The following SPIRE1 variants were observed in gnomAD, a reference collection of about 807,000 sequenced individuals.
SPIRE1 encodes the protein protein spire homolog 1.
In SPIRE1, 40 loss-of-function variants were observed where a neutral mutation model predicts 94.1. The ratio of observed to expected loss-of-function variants is 0.43; its 90% CI spans 0.33 to 0.55. SPIRE1 has a LOEUF of 0.55. Ranked by LOEUF, SPIRE1 falls within the 20% of genes least tolerant of loss-of-function variation. The pLI, the probability that SPIRE1 is intolerant of heterozygous loss-of-function variation, is 0.06. For missense variants in SPIRE1, 838 were observed against 975.2 expected, an observed-to-expected ratio of 0.86 and a Z score of 1.87; for synonymous variants, 376 against 371.7, an observed-to-expected ratio of 1.01 and a Z score of -0.13.
intron 2 of SPIRE1, among the ~76,000 whole-genome samples, chr18:12,552,331 A>G (rs549384458): frequency 1.8e-4 from 27 of 152,276 alleles, no homozygotes; most frequent in African/African-American, 6.5e-4. Context: ...GAGTACTTGC[A>G]CTATCCCTCT....
At chr18:12,487,210 A>G (rs1347998386) in intron 8 of SPIRE1, among the ~76,000 whole-genome samples, 1 of 152,132 alleles carries the variant, frequency 6.6e-6, no homozygotes, top group African/African-American at 2.4e-5. Flanking sequence ...TTTTATTATT[A>G]GTAATTGTTG....
intron 2 of SPIRE1, among the ~76,000 whole-genome samples, chr18:12,597,983 G>T (rs2036725855): frequency 6.6e-6 from 1 of 152,206 alleles, no homozygotes; most frequent in African/African-American, 2.4e-5. Flanking sequence ...GGCCAGGGAC[G>T]CATGTGCAGA....
At chr18:12,501,257 T>C (rs2033654571) in intron 6 of SPIRE1, among the ~76,000 whole-genome samples, 2 of 152,016 alleles carry the variant, frequency 1.3e-5, no homozygotes, top group Non-Finnish European at 2.9e-5. Flanking sequence ...AAAGCATATT[T>C]GTGGTTACCA....
At chr18:12,525,296 A>AAAAAAAAAAAAAAAAAT (rs1555619713) in intron 4 of SPIRE1, among the ~76,000 whole-genome samples, 1 of 120,170 alleles carries the variant, frequency 8.3e-6, no homozygotes, top group Non-Finnish European at 1.7e-5. Context: ...AAAAAAAAAA[A>AAAAAAAAAAAAAAAAAT]AATAATAATA....
intron 2 of SPIRE1, among the ~76,000 whole-genome samples, chr18:12,566,523 C>T (rs1465199705): frequency 3.9e-5 from 6 of 152,012 alleles, no homozygotes; most frequent in East Asian, 3.8e-4. Flanking sequence ...ATAATAGCAA[C>T]AATGTATTCA....
chr18:12,661,970 G>C (rs1386059936), upstream of SPIRE1: 1 of 254,724 alleles, frequency 3.9e-6, no homozygotes, highest in Non-Finnish European at 8.0e-6. Context: ...TTGTTTTGTT[G>C]ATTTTGTTAC....
At chr18:12,612,367 T>C (rs1368012702) in intron 2 of SPIRE1, among the ~76,000 whole-genome samples, 2 of 152,220 alleles carry the variant, frequency 1.3e-5, no homozygotes, top group Non-Finnish European at 2.9e-5. Context: ...TAGGCTTCTT[T>C]GCTGGCTCCT....
At chr18:12,464,152 G>C (rs2031991531) in intron 11 of SPIRE1, among the ~76,000 whole-genome samples, 1 of 152,136 alleles carries the variant, frequency 6.6e-6, no homozygotes, top group African/African-American at 2.4e-5. Flanking sequence ...TATTTAGACT[G>C]TCCCACCATG....
At chr18:12,574,039 G>A (rs1045188334) in intron 2 of SPIRE1, among the ~76,000 whole-genome samples, 12 of 152,004 alleles carry the variant, frequency 7.9e-5, no homozygotes, top group East Asian at 1.9e-4. Flanking sequence ...GCTCCCGGCC[G>A]ACTTTTAATT....
At chr18:12,504,798 T>C (rs1222650762) in intron 6 of SPIRE1, among the ~76,000 whole-genome samples, 1 of 152,100 alleles carries the variant, frequency 6.6e-6, no homozygotes, top group Admixed American at 6.6e-5. Context: ...GGAGAAGACT[T>C]TTCTAATGTG....
chr18:12,503,736 C>T (rs2033743230), intron 6 of SPIRE1, among the ~76,000 whole-genome samples: 1 of 120,514 alleles, frequency 8.3e-6, no homozygotes. Flanking sequence ...CATAGAAAGT[C>T]CTTAACACAT....
chr18:12,614,530 A>C (rs1015712920), intron 2 of SPIRE1, among the ~76,000 whole-genome samples: 2 of 152,118 alleles, frequency 1.3e-5, no homozygotes, highest in Non-Finnish European at 2.9e-5. Context: ...AAAACCAGAA[A>C]CTAAGCGGGA....
chr18:12,626,043 C>CCCA (rs2037614809), intron 2 of SPIRE1, among the ~76,000 whole-genome samples: 2 of 42,384 alleles, frequency 4.7e-5, no homozygotes, highest in Non-Finnish European at 1.5e-4. Context: ...CACCGCCCCG[C>CCCA]CCCCCCCCAA....
chr18:12,581,298 A>G (rs2144534409), intron 2 of SPIRE1, among the ~76,000 whole-genome samples: 1 of 152,318 alleles, frequency 6.6e-6, no homozygotes, highest in Middle Eastern at 3.4e-3. Context: ...AAATATTATT[A>G]CTATAGGACT....
In SPIRE1 at chr18:12,657,657, G is replaced by C; in HGVS notation, c.210C>G (p.Arg70=). The change falls in exon 1 of 17, where the codon CGC becomes CGG. Residue 70 remains arginine, a synonymous_variant. Coordinates refer to ENST00000409402, the MANE Select transcript of SPIRE1 (RefSeq NM_001128626.2). The stretch of plus-strand genomic sequence containing the variant: ...GGGGCTGGCGGCGGCGGGCGGCGGC[G>C]CGCAGGGAACCGCAGCACTGGTAGC... The part of the protein sequence containing the change: ...AVCYQCCGSL[R]AAARRRQPRH... 1 of 1,327,248 alleles carries C rather than the reference G, an allele frequency of 7.5e-7. No individual in the cohort carries two copies. The highest frequency in any genetic ancestry group is 3.2e-5 in the East Asian group (1 of 30,994). The allele number at this position is 1,327,248 out of a possible 1,614,324, so 82.2% of individuals were successfully genotyped here.
At chr18:12,509,930 C>G (rs1303057786) in intron 5 of SPIRE1, among the ~76,000 whole-genome samples, 1 of 151,820 alleles carries the variant, frequency 6.6e-6, no homozygotes, top group Non-Finnish European at 1.5e-5. Flanking sequence ...ACTAAAAATA[C>G]AAAAATTAGC....
Position 12,448,119 on chromosome 18 carries a change from C to A in SPIRE1, c.*1519G>T, listed in dbSNP as rs2031034436. 1 of 152,590 alleles carries A rather than the reference C, an allele frequency of 6.6e-6. No homozygotes were observed. Among genetic ancestry groups the A allele is most frequent in the African/African-American group, 2.4e-5 (1 of 41,446 alleles). The allele number at this position is 152,590 out of a possible 1,614,324, so 9.5% of individuals were successfully genotyped here. On this transcript the variant is annotated 3_prime_UTR_variant, in exon 17 of 17. Coordinates refer to ENST00000409402, the MANE Select transcript of SPIRE1 (RefSeq NM_001128626.2). This position sits in a 1 kb window ranked among gnomAD's most constrained non-coding sequence, Gnocchi z 4.4. Reference sequence around the variant, plus strand: ...AACTGTTAACATGCATTATTTTAGTCAACTGGTAAAGTTTATTTCATAAGT... The same window carrying A: ...AACTGTTAACATGCATTATTTTAGTAAACTGGTAAAGTTTATTTCATAAGT...
At position 12,470,661 on chromosome 18, in the gene SPIRE1, G is replaced by T. The variant is rs112237764; in HGVS notation, c.1405-5703C>A. Among the ~76,000 whole-genome samples the T allele has an allele frequency of 1.7e-3, 266 of 152,282 alleles. 1 individual carries two copies. Among genetic ancestry groups the T allele is most frequent in the Non-Finnish European group, 3.1e-3 (210 of 68,016 alleles). The stretch of plus-strand genomic sequence containing the variant: ...TATGTGTGGGTACATGCATGTGCAT[G>T]TACAGACTCCTGTTTGCTGCATACC... On this transcript the variant is annotated intron_variant, in intron 10 of 16. Coordinates refer to ENST00000409402, the MANE Select transcript of SPIRE1 (RefSeq NM_001128626.2).
rs549822742 is a variant in SPIRE1 at position 12,475,890 on chromosome 18, G to A, written c.1404+3809C>T. Among the ~76,000 whole-genome samples, 31 of 152,290 alleles carry A rather than the reference G, an allele frequency of 2.0e-4. No individual in the cohort carries two copies. In the South Asian group the frequency reaches 2.7e-3, roughly 13 times the overall value. On this transcript the variant is annotated intron_variant, in intron 10 of 16. Transcript: ENST00000409402. Reference sequence around the variant, plus strand: ...AGCACCCAGTCCGTACACCCTGAGCGGGCCTAGGGCAGGTGCCACATGGAG... The same window carrying A: ...AGCACCCAGTCCGTACACCCTGAGCAGGCCTAGGGCAGGTGCCACATGGAG...
Sources: gnomAD v4.1 joint callset for allele counts (sites outside exome capture counted in the v4.1 genomes callset) on GRCh38, gnomAD v4.1.1 for gene constraint, Gnocchi (gnomAD v3.1) non-coding constraint, MANE v1.5 for transcripts, NCBI Gene and HGNC (gene_info 2026-07-23, HGNC 2026-07-21) for gene names.